The following SORCS3 variants were observed in gnomAD, a reference collection of about 807,000 sequenced individuals.
SORCS3 encodes the protein VPS10 domain-containing receptor SorCS3.
A neutral mutation model predicts 146.3 loss-of-function variants in SORCS3; 57 were observed. The observed-to-expected ratio is 0.39, with a 90% CI of 0.31 to 0.49. The LOEUF (loss-of-function observed/expected upper bound fraction) is 0.49. Ranked by LOEUF, SORCS3 falls within the 20% of genes least tolerant of loss-of-function variation. The pLI is 0.92. For synonymous variants in SORCS3, 653 were observed against 618.5 expected (o/e 1.06, Z -0.83); for missense variants, 1,341 against 1,575.5 (o/e 0.85, Z 2.52).
In SORCS3 at chr10:104,847,339, G is replaced by T. The variant is rs186373624; in HGVS notation, c.695+4480G>T. ...TTTCTGATTGGCAGATCGTTTCTTG[G>T]ACTCATTTCTGTATGTCTTGGACAT... On this transcript the variant is annotated intron_variant, in intron 2 of 26. Transcript: ENST00000369701. 2.8e-3 allele frequency among the ~76,000 whole-genome samples: 429 copies of T among 152,258 alleles called. 3 individuals carry two copies. Among genetic ancestry groups the T allele is most frequent in the Non-Finnish European group, 3.6e-3 (246 of 68,018 alleles).
intron 14 of SORCS3, among the ~76,000 whole-genome samples, chr10:105,186,720 T>C (rs770437892): frequency 6.6e-6 from 1 of 151,694 alleles, no homozygotes; most frequent in Non-Finnish European, 1.5e-5. Flanking sequence ...CCGTCTCTAC[T>C]AAAAAATACA....
chr10:105,226,422 A>G (rs1264301646), intron 20 of SORCS3, among the ~76,000 whole-genome samples: 2 of 151,848 alleles, frequency 1.3e-5, no homozygotes, highest in Admixed American at 1.3e-4. Context: ...ATCTTGATGT[A>G]TATTTTTTTC....
intron 1 of SORCS3, among the ~76,000 whole-genome samples, chr10:104,804,018 T>C (rs2017654567): frequency 6.6e-6 from 1 of 152,222 alleles, no homozygotes. Context: ...TTGGGGTTTC[T>C]ATTCACAAGT....
At chr10:104,750,555 T>G (rs982385300) in intron 1 of SORCS3, among the ~76,000 whole-genome samples, 3 of 152,202 alleles carry the variant, frequency 2.0e-5, no homozygotes, top group Non-Finnish European at 2.9e-5. Flanking sequence ...TTTCTCAGGT[T>G]GGTGAAGATA....
intron 7 of SORCS3, among the ~76,000 whole-genome samples, chr10:105,123,789 C>A (rs1485023648): frequency 6.6e-6 from 1 of 152,012 alleles, no homozygotes; most frequent in African/African-American, 2.4e-5. Flanking sequence ...TGTCAGTCTC[C>A]CAACAAATAT....
chr10:104,732,996 A>G (rs539156602), intron 1 of SORCS3, among the ~76,000 whole-genome samples: 1 of 152,336 alleles, frequency 6.6e-6, no homozygotes, highest in South Asian at 2.1e-4. Context: ...GCCCAGTGGC[A>G]GAGTTGGGGC....
At chr10:105,162,225 G>C (rs886096330) in intron 11 of SORCS3, among the ~76,000 whole-genome samples, 1 of 152,210 alleles carries the variant, frequency 6.6e-6, no homozygotes, top group Non-Finnish European at 1.5e-5. Flanking sequence ...GTGAAAGCAA[G>C]TTGTTTAAAA....
At position 104,671,325 on chromosome 10, in the gene SORCS3, C is replaced by CTTTTTTTTTT. The variant is rs771029154; in HGVS notation, c.627+29389_627+29398dup. ...ATGTTAAGGTAGTTTCATTCTTTTC[C>CTTTTTTTTTT]TTTTTTTTTTTTTTTTTTTTTTTTT... On this transcript the variant is annotated intron_variant, in intron 1 of 26. Coordinates refer to ENST00000369701, the MANE Select transcript of SORCS3 (RefSeq NM_014978.3). 2.7e-3 allele frequency among the ~76,000 whole-genome samples: 52 copies of CTTTTTTTTTT among 19,200 alleles called. 23 individuals are homozygous for CTTTTTTTTTT. Among genetic ancestry groups the CTTTTTTTTTT allele is most frequent in the South Asian group, 9.3e-3 (2 of 214 alleles). The allele number at this position is 19,200 out of a possible 152,430, so 12.6% of individuals were successfully genotyped here. A position where few individuals can be genotyped will look rare whatever the true frequency, so the allele number is the denominator to read the frequency against.
In SORCS3 at chr10:105,243,865, G is replaced by A. The variant is rs571145899; in HGVS notation, c.2869-1677G>A. Among the ~76,000 whole-genome samples, 8 of 152,312 alleles carry A rather than the reference G, an allele frequency of 5.3e-5. No individual in the cohort carries two copies. The East Asian group carries it at 1.4e-3, about 26-fold the overall frequency. ...AAGTCTGAGCTAGAAAGGAATTTCA[G>A]TATTACAGTAGGGACACCATCTGAA... On this transcript the variant is annotated intron_variant, in intron 20 of 26. Coordinates refer to ENST00000369701, the MANE Select transcript of SORCS3 (RefSeq NM_014978.3).
intron 7 of SORCS3, among the ~76,000 whole-genome samples, chr10:105,110,331 G>A (rs1454097342): frequency 2.6e-5 from 4 of 151,784 alleles, no homozygotes; most frequent in Non-Finnish European, 5.9e-5. Context: ...TTATAGCAGT[G>A]TGTTTGCAAT....
chr10:105,121,263 C>T (rs1287815846), intron 7 of SORCS3, among the ~76,000 whole-genome samples: 3 of 152,198 alleles, frequency 2.0e-5, no homozygotes, highest in African/African-American at 7.2e-5. Flanking sequence ...GCAATTATTT[C>T]ACATCAAATT....
At position 104,797,250 on chromosome 10, in the gene SORCS3, G is replaced by A. The variant is rs563636918; in HGVS notation, c.628-45542G>A. Reference sequence around the variant, plus strand: ...AAAAGAATAATTAGCCTAGGTAAGAGGTCTATAAAATGAAACATTTAGTGA... The same window carrying A: ...AAAAGAATAATTAGCCTAGGTAAGAAGTCTATAAAATGAAACATTTAGTGA... On this transcript the variant is annotated intron_variant, in intron 1 of 26. Transcript: ENST00000369701. Among the ~76,000 whole-genome samples, 6 of 152,288 alleles carry A rather than the reference G, an allele frequency of 3.9e-5. No individual in the cohort carries two copies. In the South Asian group the frequency reaches 1.2e-3, roughly 32 times the overall value.
chr10:105,041,562 A>G (rs2055338792), intron 4 of SORCS3, among the ~76,000 whole-genome samples: 1 of 150,862 alleles, frequency 6.6e-6, no homozygotes, highest in Non-Finnish European at 1.5e-5. Flanking sequence ...TCTCTACTAG[A>G]CAAAAATAGT....
At chr10:105,234,350 T>C (rs1052782396) in intron 20 of SORCS3, among the ~76,000 whole-genome samples, 8 of 152,168 alleles carry the variant, frequency 5.3e-5, no homozygotes, top group African/African-American at 1.7e-4. Flanking sequence ...AAATGATACA[T>C]CTAGGTGTAG....
intron 7 of SORCS3, among the ~76,000 whole-genome samples, chr10:105,113,016 C>A (rs918827672): frequency 6.6e-6 from 1 of 152,198 alleles, no homozygotes; most frequent in Non-Finnish European, 1.5e-5. Context: ...CCCTTATGTG[C>A]CAAATGGAGG....
intron 1 of SORCS3, among the ~76,000 whole-genome samples, chr10:104,829,690 C>A (rs74966596): frequency 2.0e-3 from 306 of 152,160 alleles, no homozygotes; most frequent in African/African-American, 7.1e-3. Context: ...TTGAGGCCAT[C>A]TAGTAGCCAA....
chr10:105,026,307 C>T (rs2055230504), intron 4 of SORCS3, among the ~76,000 whole-genome samples: 1 of 152,240 alleles, frequency 6.6e-6, no homozygotes, highest in South Asian at 2.1e-4. Flanking sequence ...AGACTCGCCG[C>T]TCCACTCTGT....
chr10:105,139,658 G>C (rs981662081), intron 8 of SORCS3, among the ~76,000 whole-genome samples, 172 bp downstream of exon 8: 1 of 152,086 alleles, frequency 6.6e-6, no homozygotes, highest in Non-Finnish European at 1.5e-5. Context: ...CCTGGATTCT[G>C]TATTTCTGTC....
At chr10:104,653,691 G>A (rs888672627) in intron 1 of SORCS3, among the ~76,000 whole-genome samples, 22 of 152,102 alleles carry the variant, frequency 1.4e-4, no homozygotes, top group African/African-American at 4.8e-4. Context: ...CATAGTAGGC[G>A]TATATATTTA....
Sources: allele counts gnomAD v4.1 joint callset (sites outside exome capture counted in the v4.1 genomes callset), GRCh38; gene constraint gnomAD v4.1.1; transcripts MANE v1.5; gene names NCBI Gene and HGNC (gene_info 2026-07-23, HGNC 2026-07-21).